The following ADGRL3 variants were observed in gnomAD, a reference collection of about 807,000 sequenced individuals.
The protein encoded by ADGRL3 is calcium-independent alpha-latrotoxin receptor 3.
ADGRL3 carries 62 observed loss-of-function variants against 153.5 expected under a neutral mutation model. That is an observed-to-expected ratio of 0.40 (90% CI 0.33 to 0.50). The LOEUF is 0.50. ADGRL3 is among the 20% of genes least tolerant of loss of function. The pLI is 0.47. For synonymous variants in ADGRL3, 710 were observed against 672.5 expected, an observed-to-expected ratio of 1.06 and a Z score of -0.86; for missense variants, 1,641 against 1,859.4, an observed-to-expected ratio of 0.88 and a Z score of 2.16.
intron 24 of ADGRL3, among the ~76,000 whole-genome samples, chr4:62,043,687 C>T (rs1224342522): frequency 1.3e-5 from 2 of 151,926 alleles, no homozygotes; most frequent in Non-Finnish European, 2.9e-5. Context: ...ATTGTTAATA[C>T]TTTTTTGACC....
intron 5 of ADGRL3, among the ~76,000 whole-genome samples, chr4:61,601,422 T>C (rs1023271404): frequency 4.6e-5 from 7 of 152,186 alleles, no homozygotes; most frequent in South Asian, 2.1e-4. Context: ...TTTATGTCAA[T>C]TAAACACAAT....
chr4:61,778,666 TTAA>T lies in ADGRL3; in HGVS notation c.1400-35140_1400-35138del, dbSNP rs1185387019. ...GTATATTCATCGAACCTTGTTATTATTAATATTAACCATTAGTATTGACAGCCT... is the reference window on the plus strand; with the variant it reads ...GTATATTCATCGAACCTTGTTATTATTATTAACCATTAGTATTGACAGCCT... On this transcript the variant is annotated intron_variant, in intron 8 of 26. Coordinates refer to ENST00000683033, the MANE Select transcript of ADGRL3 (RefSeq NM_001387552.1). 3.9e-5 allele frequency among the ~76,000 whole-genome samples: 6 copies of T among 152,344 alleles called. No homozygotes were observed. In the East Asian group the frequency reaches 7.7e-4, roughly 20 times the overall value.
At chr4:61,324,863 A>T (rs2095433827) in intron 1 of ADGRL3, among the ~76,000 whole-genome samples, 1 of 152,182 alleles carries the variant, frequency 6.6e-6, no homozygotes. Context: ...TTACATTGGC[A>T]TGGAAAGAAA....
chr4:61,407,333 T>C (rs969340859), intron 2 of ADGRL3, among the ~76,000 whole-genome samples: 1 of 152,154 alleles, frequency 6.6e-6, no homozygotes, highest in East Asian at 1.9e-4. Context: ...AGTCTTCACA[T>C]ATTAGTTTTC....
chr4:61,751,044 T>C (rs750523337), intron 8 of ADGRL3, among the ~76,000 whole-genome samples: 6 of 152,126 alleles, frequency 3.9e-5, no homozygotes, highest in Non-Finnish European at 7.3e-5. Flanking sequence ...AGATCAACAG[T>C]GGCATTAGAT....
chr4:61,655,517 C>T (rs2094419674), intron 5 of ADGRL3, among the ~76,000 whole-genome samples: 1 of 151,966 alleles, frequency 6.6e-6, no homozygotes, highest in African/African-American at 2.4e-5. Flanking sequence ...AAAAAATACA[C>T]TTTGAAAAAA....
intron 25 of ADGRL3, among the ~76,000 whole-genome samples, chr4:62,064,348 A>C (rs1054660087): frequency 2.6e-5 from 4 of 151,826 alleles, no homozygotes; most frequent in Non-Finnish European, 5.9e-5. Context: ...AAAAAAAAAA[A>C]CCACCATAGA....
intron 1 of ADGRL3, among the ~76,000 whole-genome samples, chr4:61,323,030 G>A (rs749678514): frequency 1.3e-5 from 2 of 152,194 alleles, no homozygotes; most frequent in Admixed American, 6.5e-5. Context: ...TGAAATCTAC[G>A]TAGAGCTTCC....
intron 23 of ADGRL3, 102 bp from the exon 24 acceptor site, chr4:62,037,629 A>G: frequency 8.1e-7 from 1 of 1,236,750 alleles, no homozygotes; most frequent in Non-Finnish European, 1.2e-6. Context: ...AGGGCAAGGA[A>G]ATAATTACAT....
At chr4:61,609,952 G>A (rs1259674395) in intron 5 of ADGRL3, among the ~76,000 whole-genome samples, 1 of 151,816 alleles carries the variant, frequency 6.6e-6, no homozygotes, top group Non-Finnish European at 1.5e-5. Flanking sequence ...TCATGCACAG[G>A]GTGGTTTGTA....
rs545233319 is a variant in ADGRL3 at position 61,397,959 on chromosome 4, G to GACTCTGTAA, written c.-174+14772_-174+14773insTCTGTAAAC. On this transcript the variant is annotated intron_variant, in intron 2 of 26. Transcript: ENST00000683033. ...TAATTTGAACAGGCAAGTAAATCTG[G>GACTCTGTAA]ACAGATGCTCTGTTGAAATTTCTGG... Among the ~76,000 whole-genome samples the GACTCTGTAA allele has an allele frequency of 1.8e-3, 272 of 151,978 alleles. 2 individuals are homozygous for GACTCTGTAA. Among genetic ancestry groups the GACTCTGTAA allele is most frequent in the African/African-American group, 6.3e-3 (263 of 41,520 alleles).
At chr4:61,554,518 AT>A (rs2098756542) in intron 4 of ADGRL3, among the ~76,000 whole-genome samples, 1 of 151,998 alleles carries the variant, frequency 6.6e-6, no homozygotes, top group Non-Finnish European at 1.5e-5. Context: ...TTTTATTCAT[AT>A]TTAAAATTTC....
At chr4:61,817,425 C>G (rs540416333) in intron 9 of ADGRL3, among the ~76,000 whole-genome samples, 1 of 152,244 alleles carries the variant, frequency 6.6e-6, no homozygotes, top group East Asian at 1.9e-4. Flanking sequence ...CATAAAAACC[C>G]CAGACTCAGC....
At chr4:61,813,302 G>A (rs1011572274) in intron 8 of ADGRL3, among the ~76,000 whole-genome samples, 9 of 152,116 alleles carry the variant, frequency 5.9e-5, no homozygotes, top group African/African-American at 2.2e-4. Context: ...GCTGAGGCAG[G>A]AGAACAGCTT....
At chr4:61,445,309 A>G (rs1231961487) in intron 2 of ADGRL3, among the ~76,000 whole-genome samples, 1 of 152,152 alleles carries the variant, frequency 6.6e-6, no homozygotes, top group Non-Finnish European at 1.5e-5. Context: ...AGAAACCCAC[A>G]CTCTGCTATA....
chr4:62,042,853 G>A, intron 24 of ADGRL3, among the ~76,000 whole-genome samples: 1 of 151,968 alleles, frequency 6.6e-6, no homozygotes, highest in East Asian at 1.9e-4. Context: ...CCAAGTATTA[G>A]TATACTGAGA....
rs1346815842 is a variant in ADGRL3, at chr4:61,732,858, G to C, written c.703G>C (p.Asp235His). Residue 235 changes from aspartate to histidine, a missense_variant, in exon 8 of 27, where the codon GAC becomes CAC. By Grantham distance (81) the Asp-to-His change is moderately conservative. This residue lies in a region of ADGRL3 where 213 missense variants were observed against 362.1 expected (regional missense o/e 0.59). Coordinates refer to ENST00000683033, the MANE Select transcript of ADGRL3 (RefSeq NM_001387552.1). ...AWCKDPLQAS[D>H]KIYYMPWTPY... is the part of the protein sequence containing the mutation. ...GTGCAAAGACCCTCTGCAGGCATCT[G>C]ACAAGATTTATTATATGCCCTGGAC... 3 of 1,613,514 alleles carry C rather than the reference G, an allele frequency of 1.9e-6. No homozygotes were observed. The highest frequency in any genetic ancestry group is 2.2e-5 in the East Asian group (1 of 44,860).
chr4:61,349,592 G>A (rs1384971828), intron 1 of ADGRL3, among the ~76,000 whole-genome samples: 2 of 151,700 alleles, frequency 1.3e-5, no homozygotes, highest in African/African-American at 4.8e-5. Flanking sequence ...ATTGTTACAT[G>A]TAAGACTTTA....
rs1448827700 is a variant in ADGRL3 at position 61,892,830 on chromosome 4, T to C, written c.1655T>C (p.Leu552Pro). ...GTACTTGATGACATGACCACACACC[T>C]TCCATCAGCATCGTCCCAAATCCCA... ...VEVLDDMTTH[L>P]PSASSQIPAL... Residue 552 changes from leucine to proline, a missense_variant, in exon 10 of 27, where the codon CTT becomes CCT. By Grantham distance (98) the Leu-to-Pro change is moderately conservative (BLOSUM62 -3). Transcript: ENST00000683033. 8 of 1,613,616 alleles carry C rather than the reference T, an allele frequency of 5.0e-6. No individual in the cohort carries two copies. In the Admixed American group the frequency reaches 8.3e-5, roughly 17 times the overall value.
Sources: allele counts gnomAD v4.1 joint callset (sites outside exome capture counted in the v4.1 genomes callset), GRCh38; gene constraint gnomAD v4.1.1; regional missense constraint gnomAD v4.1.1; transcripts MANE v1.5; gene names NCBI Gene and HGNC (gene_info 2026-07-23, HGNC 2026-07-21).